TSPEAR: variants seen among roughly 807,000 people sequenced by gnomAD.
TSPEAR encodes thrombospondin-type laminin G domain and EAR repeat-containing protein.
A neutral mutation model predicts 71.6 loss-of-function variants in TSPEAR; 69 were observed. That is an observed-to-expected ratio of 0.96 (90% CI 0.79 to 1.18). The LOEUF (loss-of-function observed/expected upper bound fraction) is 1.18. Among genes scored for constraint, TSPEAR ranks in the 50% most tolerant of loss-of-function variants. The pLI is 0.00. For missense variants in TSPEAR, 971 were observed against 894.9 expected, an observed-to-expected ratio of 1.09 and a Z score of -1.09; for synonymous variants, 402 against 387.2, an observed-to-expected ratio of 1.04 and a Z score of -0.45.
At chr21:44,614,303 G>A (rs1301668112) in intron 1 of TSPEAR, among the ~76,000 whole-genome samples, 1 of 152,274 alleles carries the variant, frequency 6.6e-6, no homozygotes, top group African/African-American at 2.4e-5. Context: ...GTTGGCCTGT[G>A]CCGTGCACTT....
At chr21:44,659,460 TC>T (rs1246278084) in intron 1 of TSPEAR, among the ~76,000 whole-genome samples, 17 of 151,988 alleles carry the variant, frequency 1.1e-4, no homozygotes, top group African/African-American at 4.1e-4. Flanking sequence ...CCAGATTGAC[TC>T]ATCCACCTCC....
chr21:44,706,267 C>T (rs1202090776), intron 1 of TSPEAR, among the ~76,000 whole-genome samples: 9 of 152,218 alleles, frequency 5.9e-5, no homozygotes, highest in Admixed American at 4.6e-4. Flanking sequence ...AGGGTGGCTG[C>T]GTCCCGGGTT....
chr21:44,652,218 C>T lies in TSPEAR; in HGVS notation c.82+59215G>A, dbSNP rs377398680. Reference sequence around the variant, plus strand: ...CAGGATGGTCTCGATCTCCTGACCTCGTGATCCGCCCGCCTCGGCCTCCCA... The same window carrying T: ...CAGGATGGTCTCGATCTCCTGACCTTGTGATCCGCCCGCCTCGGCCTCCCA... On this transcript the variant is annotated intron_variant, in intron 1 of 11. Coordinates refer to ENST00000323084, the MANE Select transcript of TSPEAR (RefSeq NM_144991.3). 2.8e-4 allele frequency among the ~76,000 whole-genome samples: 42 copies of T among 152,270 alleles called. 1 individual carries two copies. In the South Asian group the frequency reaches 7.5e-3, roughly 27 times the overall value.
In TSPEAR at chr21:44,499,493, C is replaced by G; in HGVS notation, c.*290G>C. The G allele has an allele frequency of 2.5e-6, 1 of 402,480 alleles. No individual in the cohort carries two copies. Among genetic ancestry groups the G allele is most frequent in the South Asian group, 3.9e-5 (1 of 25,960 alleles). The allele number at this position is 402,480 out of a possible 1,614,324, so 24.9% of individuals were successfully genotyped here. A position where few individuals can be genotyped will look rare whatever the true frequency, so the allele number is the denominator to read the frequency against. ...AGGTAAAAATGTATAGAAACGGTTC[C>G]TTGACAGCGAAATCCCCGCTTGACA... is the stretch of plus-strand genomic sequence containing the variant. On this transcript the variant is annotated 3_prime_UTR_variant, in exon 12 of 12. Coordinates refer to ENST00000323084, the MANE Select transcript of TSPEAR (RefSeq NM_144991.3).
intron 1 of TSPEAR, chr21:44,686,399 G>A (rs1601565802): frequency 6.5e-6 from 1 of 154,116 alleles, no homozygotes; most frequent in Non-Finnish European, 1.4e-5. Context: ...TCCACCACCT[G>A]CTGCCCACCC....
At position 44,509,255 on chromosome 21, in the gene TSPEAR, G is replaced by T; in HGVS notation, c.1698C>A (p.Tyr566Ter). The T allele has an allele frequency of 6.2e-7, 1 of 1,614,124 alleles. No homozygotes were observed. Among genetic ancestry groups the T allele is most frequent in the Non-Finnish European group, 8.5e-7 (1 of 1,180,032 alleles). The change falls in exon 10 of 12, where the codon TAC becomes TAA. Residue 566 changes from tyrosine to a stop codon, truncating the protein, a stop_gained. Transcript: ENST00000323084. LOFTEE classifies it high-confidence loss of function. ...AGGCCTGCGCGGTCACGTTCAGCTCGTAGATGACGGAGTTGATGACATAGG... is the reference window on the plus strand; with the variant it reads ...AGGCCTGCGCGGTCACGTTCAGCTCTTAGATGACGGAGTTGATGACATAGG... ...NDSYVINSVI[Y>*]ELNVTAQAFV... is the part of the protein sequence containing the mutation.
intron 1 of TSPEAR, among the ~76,000 whole-genome samples, chr21:44,704,249 A>ACCCCCCCCCCCCCCCCCCCCCCC (rs146556832): frequency 6.8e-6 from 1 of 147,032 alleles, no homozygotes; most frequent in African/African-American, 2.5e-5. Flanking sequence ...TGGGTACCCC[A>ACCCCCCCCCCCCCCCCCCCCCCC]CCCCCCCACC....
intron 3 of TSPEAR, among the ~76,000 whole-genome samples, chr21:44,532,179 C>T (rs2052987008): frequency 1.3e-5 from 2 of 152,368 alleles, no homozygotes; most frequent in East Asian, 1.9e-4. Context: ...TGTGACTCCC[C>T]ATGTCCCACC....
In TSPEAR at chr21:44,611,824, C is replaced by T. The variant is rs587709016; in HGVS notation, c.83-43819G>A. 3.2e-4 allele frequency among the ~76,000 whole-genome samples: 49 copies of T among 152,284 alleles called. 1 individual carries two copies. Among genetic ancestry groups the T allele is most frequent in the South Asian group, 2.1e-4 (1 of 4,828 alleles). ...CAACTCCCAGCTCCACCAGCAGACA[C>T]GCAGCATCACTGTGTGTGGTTGCAG... On this transcript the variant is annotated intron_variant, in intron 1 of 11. Transcript: ENST00000323084.
At position 44,550,917 on chromosome 21, in the gene TSPEAR, G is replaced by T. The variant is rs374244983; in HGVS notation, c.303+16868C>A. The T allele has an allele frequency of 3.4e-6, 5 of 1,475,930 alleles. No homozygotes were observed. In the African/African-American group the frequency reaches 7.1e-5, roughly 21 times the overall value. The allele number at this position is 1,475,930 out of a possible 1,614,324, so 91.4% of individuals were successfully genotyped here. On this transcript the variant is annotated intron_variant, in intron 2 of 11. Transcript: ENST00000323084. The stretch of plus-strand genomic sequence containing the variant: ...CTTGCAGCAGACGGACACACAGCAG[G>T]ACTGCTGACACGGGGAGGAGGTGCA...
chr21:44,572,620 G>C (rs898845198), intron 1 of TSPEAR, among the ~76,000 whole-genome samples: 4 of 151,648 alleles, frequency 2.6e-5, no homozygotes, highest in Non-Finnish European at 5.9e-5. Flanking sequence ...TTCTGCTCCC[G>C]TGCCCACGTC....
At chr21:44,684,092 A>T (rs576011894) in intron 1 of TSPEAR, among the ~76,000 whole-genome samples, 1 of 152,350 alleles carries the variant, frequency 6.6e-6, no homozygotes, top group East Asian at 1.9e-4. Context: ...AAAAGCAGTG[A>T]CAGGAAGACA....
chr21:44,679,039 C>T (rs1986455538), intron 1 of TSPEAR, among the ~76,000 whole-genome samples: 2 of 152,286 alleles, frequency 1.3e-5, no homozygotes, highest in South Asian at 4.1e-4. Context: ...TTCAATTGGT[C>T]TACAGAGCCC....
intron 2 of TSPEAR, chr21:44,557,999 C>T (rs369482742): frequency 1.5e-5 from 24 of 1,563,396 alleles, no homozygotes; most frequent in South Asian, 3.7e-5. Flanking sequence ...CAAGGATTTT[C>T]GGAAGTCAGA....
At chr21:44,661,192 T>G (rs7277758) in intron 1 of TSPEAR, among the ~76,000 whole-genome samples, 106,443 of 149,348 alleles carry the variant, frequency 0.71, 38,108 homozygotes, top group African/African-American at 0.8. Context: ...GAGAATGGCG[T>G]GAACCCCAGA....
chr21:44,701,231 C>A (rs2146328967), intron 1 of TSPEAR, among the ~76,000 whole-genome samples: 1 of 152,330 alleles, frequency 6.6e-6, no homozygotes, highest in East Asian at 1.9e-4. Context: ...CTCCCACCAT[C>A]TCAAACACGG....
intron 1 of TSPEAR, among the ~76,000 whole-genome samples, chr21:44,669,514 G>C (rs2146279512): frequency 6.6e-6 from 1 of 152,300 alleles, no homozygotes; most frequent in African/African-American, 2.4e-5. Flanking sequence ...CAGCATCAAG[G>C]GGGCAAGGGT....
rs587685239 is a variant in TSPEAR, at chr21:44,575,199, C to A, written c.83-7194G>T. 116 of 707,842 alleles carry A rather than the reference C, an allele frequency of 1.6e-4. 1 individual carries two copies. The African/African-American group carries it at 1.9e-3, about 12-fold the overall frequency. The allele number at this position is 707,842 out of a possible 1,614,324, so 43.8% of individuals were successfully genotyped here. A position where few individuals can be genotyped will look rare whatever the true frequency, so the allele number is the denominator to read the frequency against. On this transcript the variant is annotated intron_variant, in intron 1 of 11. Transcript: ENST00000323084. Reference sequence around the variant, plus strand: ...CAGCCCTCTTGCGGGGGGAGGGGGGCGCTTCTAGAAAGTTCCCATGGCAGT... The same window carrying A: ...CAGCCCTCTTGCGGGGGGAGGGGGGAGCTTCTAGAAAGTTCCCATGGCAGT...
intron 11 of TSPEAR, among the ~76,000 whole-genome samples, chr21:44,500,683 A>G (rs1176061015): frequency 6.6e-6 from 1 of 152,198 alleles, no homozygotes; most frequent in Non-Finnish European, 1.5e-5. Flanking sequence ...TTCCAAACAA[A>G]TGGGGGAGAA....
Sources: allele counts gnomAD v4.1 joint callset (sites outside exome capture counted in the v4.1 genomes callset), GRCh38; gene constraint gnomAD v4.1.1; transcripts MANE v1.5; gene names NCBI Gene and HGNC (gene_info 2026-07-23, HGNC 2026-07-21).